Variants in CYP27C1 observed in about 807,000 individuals in gnomAD.
The protein encoded by CYP27C1 is cytochrome P450 family 27 subfamily C member 1.
Under a neutral mutation model 40.6 loss-of-function variants are expected in CYP27C1, and 29 were observed. That is an observed-to-expected ratio of 0.71 (90% CI 0.53 to 0.97). The LOEUF is 0.97. CYP27C1 is among the 50% of genes least tolerant of loss of function. CYP27C1 has a pLI of 0.00. For missense variants in CYP27C1, 390 were observed against 485.8 expected, an observed-to-expected ratio of 0.80 and a Z score of 1.85; for synonymous variants, 198 against 186.8, an observed-to-expected ratio of 1.06 and a Z score of -0.49.
Position 127,195,611 on chromosome 2 carries a change from A to C in CYP27C1, c.1048-110T>G. The C allele has an allele frequency of 3.6e-6, 4 of 1,109,852 alleles. No individual in the cohort carries two copies. In the Admixed American group the frequency reaches 7.4e-5, roughly 21 times the overall value. The allele number at this position is 1,109,852 out of a possible 1,614,324, so 68.8% of individuals were successfully genotyped here. A position where few individuals can be genotyped will look rare whatever the true frequency, so the allele number is the denominator to read the frequency against. ...TGGGAATACACACAGCACAAAGTCA[A>C]ACTCATCCAATTCCATATAGCACCT... On this transcript the variant is annotated intron_variant, in intron 5 of 8. Transcript: ENST00000664447. The surrounding 1 kb of genome is among the most constrained non-coding windows in gnomAD (Gnocchi z 6.2).
Position 127,219,553 on chromosome 2 carries a change from C to A in CYP27C1, c.282+436G>T, listed in dbSNP as rs1235319456. On this transcript the variant is annotated intron_variant, in intron 1 of 8. Coordinates refer to ENST00000664447, the MANE Select transcript of CYP27C1 (RefSeq NM_001367502.1). This position sits in a 1 kb window ranked among gnomAD's most constrained non-coding sequence, Gnocchi z 8.7. ...ACTCCCCTCCCCGCTACCTCCTCCC[C>A]AGGGGTCCCGGCTGGGGCCCCTCCA... Among the ~76,000 whole-genome samples the A allele has an allele frequency of 2.0e-5, 3 of 151,958 alleles. No homozygotes were observed. The highest frequency in any genetic ancestry group is 2.9e-5 in the Non-Finnish European group (2 of 67,950).
chr2:127,194,251 G>T (rs1682852665), intron 6 of CYP27C1, among the ~76,000 whole-genome samples: 1 of 152,104 alleles, frequency 6.6e-6, no homozygotes, highest in South Asian at 2.1e-4. Flanking sequence ...AAGATACTTC[G>T]GCGATCGGAT....
At chr2:127,214,868 C>A (rs1399105950) in intron 1 of CYP27C1, among the ~76,000 whole-genome samples, 11 of 146,286 alleles carry the variant, frequency 7.5e-5, no homozygotes, top group Non-Finnish European at 1.2e-4. Flanking sequence ...GTGGCTCACG[C>A]CTGTAATCCC....
At chr2:127,214,755 C>T (rs1393152525) in intron 1 of CYP27C1, among the ~76,000 whole-genome samples, 1 of 146,148 alleles carries the variant, frequency 6.8e-6, no homozygotes, top group Non-Finnish European at 1.5e-5. Context: ...AACAAACCTG[C>T]ATGTTCTGCA....
In CYP27C1 at chr2:127,204,488, G is replaced by A. The variant is rs1037470929; in HGVS notation, c.474-917C>T. Among the ~76,000 whole-genome samples, 6 of 46,756 alleles carry A rather than the reference G, an allele frequency of 1.3e-4. No homozygotes were observed. The East Asian group carries it at 8.7e-3, about 67-fold the overall frequency. 30.7% of individuals were successfully genotyped at this position (46,756 alleles called of 152,430 possible). A position where few individuals can be genotyped will look rare whatever the true frequency, so the allele number is the denominator to read the frequency against. On this transcript the variant is annotated intron_variant, in intron 2 of 8. Coordinates refer to ENST00000664447, the MANE Select transcript of CYP27C1 (RefSeq NM_001367502.1). Reference sequence around the variant, plus strand: ...AGAAAGAAAGAAAGAAAGAAAGAAAGGAAGGAAGGAAGGAAGGAAAGAAAG... The same window carrying A: ...AGAAAGAAAGAAAGAAAGAAAGAAAAGAAGGAAGGAAGGAAGGAAAGAAAG...
At chr2:127,205,613 G>T in intron 2 of CYP27C1, 1 of 900,840 alleles carries the variant, frequency 1.1e-6, no homozygotes, top group Non-Finnish European at 1.3e-6. Context: ...ATCACTGAAT[G>T]GACTCCCAAA....
intron 7 of CYP27C1, 133 bp from the exon 8 acceptor site, chr2:127,193,430 A>G (rs1254986075): frequency 1.0e-6 from 1 of 966,732 alleles, no homozygotes; most frequent in East Asian, 2.6e-5. Context: ...ACTCACACCC[A>G]GGATGGCAGC....
intron 8 of CYP27C1, among the ~76,000 whole-genome samples, chr2:127,190,673 G>T (rs1441499913): frequency 1.3e-5 from 2 of 149,802 alleles, no homozygotes; most frequent in African/African-American, 4.9e-5. Context: ...TGGGCCAAGC[G>T]TGCTGGCTCA....
rs1486797534 is a variant in CYP27C1, at chr2:127,201,487, G to A, written c.674-156C>T. Among the ~76,000 whole-genome samples the A allele has an allele frequency of 6.6e-6, 1 of 152,162 alleles. No homozygotes were observed. Among genetic ancestry groups the A allele is most frequent in the African/African-American group, 2.4e-5 (1 of 41,414 alleles). ...GGATTTCTCTGCATCCTGAACTGCA[G>A]GGTGCTGGCATTTAGGGCTGACAGG... On this transcript the variant is annotated intron_variant, in intron 3 of 8. Coordinates refer to ENST00000664447, the MANE Select transcript of CYP27C1 (RefSeq NM_001367502.1). This position sits in a 1 kb window ranked among gnomAD's most constrained non-coding sequence, Gnocchi z 6.0.
At chr2:127,207,997 T>TGCAA (rs1167416388) in intron 1 of CYP27C1, among the ~76,000 whole-genome samples, 2 of 152,030 alleles carry the variant, frequency 1.3e-5, no homozygotes, top group African/African-American at 4.8e-5. Context: ...CATATGAAAA[T>TGCAA]GCAAGAGACC....
chr2:127,192,322 TC>T (rs1558925646), intron 8 of CYP27C1, among the ~76,000 whole-genome samples: 2 of 152,188 alleles, frequency 1.3e-5, no homozygotes, highest in African/African-American at 4.8e-5. Flanking sequence ...GGCCAAGGTT[TC>T]CCGTCGCTGA....
intron 8 of CYP27C1, among the ~76,000 whole-genome samples, chr2:127,187,588 G>A (rs557244597): frequency 6.6e-6 from 1 of 152,170 alleles, no homozygotes; most frequent in Admixed American, 6.5e-5. Flanking sequence ...TTTAGATCCC[G>A]TACCAGAGCC....
chr2:127,193,980 C>T (rs572223681), intron 6 of CYP27C1, 113 bp from the exon 7 acceptor site: 81 of 1,184,690 alleles, frequency 6.8e-5, no homozygotes, highest in Non-Finnish European at 4.9e-5. Flanking sequence ...TAAAAAGTAA[C>T]ACATGGTACA....
intron 8 of CYP27C1, among the ~76,000 whole-genome samples, chr2:127,189,357 G>A (rs914264795): frequency 2.0e-5 from 3 of 152,034 alleles, no homozygotes; most frequent in Non-Finnish European, 2.9e-5. Context: ...TGGGGCAGAC[G>A]CCATTTATTT....
At chr2:127,193,551 T>G (rs746336174) in intron 7 of CYP27C1, among the ~76,000 whole-genome samples, 49 of 152,280 alleles carry the variant, frequency 3.2e-4, no homozygotes, top group Non-Finnish European at 6.6e-4. Flanking sequence ...CCACACGGCC[T>G]GGGGAGCAGG....
Position 127,208,196 on chromosome 2 carries a change from A to G in CYP27C1, c.283-2106T>C, listed in dbSNP as rs1350018172. Among the ~76,000 whole-genome samples the G allele has an allele frequency of 1.3e-5, 2 of 152,170 alleles. No individual in the cohort carries two copies. Among genetic ancestry groups the G allele is most frequent in the Non-Finnish European group, 2.9e-5 (2 of 68,036 alleles). On this transcript the variant is annotated intron_variant, in intron 1 of 8. Transcript: ENST00000664447. The surrounding 1 kb of genome is among the most constrained non-coding windows in gnomAD (Gnocchi z 5.2). ...GCAGCCAGGGTATCCAGGTTCTCTCATCAAAATTGACTAGAAGGCTGGCAT... is the reference window on the plus strand; with the variant it reads ...GCAGCCAGGGTATCCAGGTTCTCTCGTCAAAATTGACTAGAAGGCTGGCAT...
At chr2:127,194,221 C>T (rs12477559) in intron 6 of CYP27C1, among the ~76,000 whole-genome samples, 62,134 of 151,948 alleles carry the variant, frequency 0.41, 13,047 homozygotes, top group East Asian at 0.57. Flanking sequence ...CTTAAGGCCC[C>T]ATGAAATGCA....
rs183136745 is a variant in CYP27C1, at chr2:127,189,529, G to A, written c.1498-2142C>T. On this transcript the variant is annotated intron_variant, in intron 8 of 8. Transcript: ENST00000664447. ...GTGGGGCTTAAAACCTAGTGGACGG[G>A]TTGATGGGTGCAGCAAACCACCATG... is the stretch of plus-strand genomic sequence containing the variant. 2.8e-3 allele frequency among the ~76,000 whole-genome samples: 432 copies of A among 151,900 alleles called. 4 individuals carry two copies. The highest frequency in any genetic ancestry group is 6.5e-3 in the Admixed American group (99 of 15,256).
chr2:127,203,343 C>T (rs1375749301), intron 3 of CYP27C1, 29 bp downstream of exon 3: 1 of 1,604,306 alleles, frequency 6.2e-7, no homozygotes, highest in East Asian at 2.2e-5. Flanking sequence ...CCATTCTTCC[C>T]TCCTTCCCAC....
Sources: allele counts gnomAD v4.1 joint callset (sites outside exome capture counted in the v4.1 genomes callset), GRCh38; gene constraint gnomAD v4.1.1; non-coding constraint Gnocchi (gnomAD v3.1); transcripts MANE v1.5; gene names NCBI Gene and HGNC (gene_info 2026-07-23, HGNC 2026-07-21).